Variants in PRDM16 observed in about 807,000 individuals in gnomAD.
PRDM16 encodes PR/SET domain 16, also known as histone-lysine N-methyltransferase PRDM16.
Under a neutral mutation model 110.6 loss-of-function variants are expected in PRDM16, and 23 were observed. The ratio of observed to expected loss-of-function variants is 0.21; its 90% CI spans 0.15 to 0.29. The LOEUF is 0.29. Among genes scored for constraint, PRDM16 ranks in the 10% least tolerant of loss-of-function variants. The probability of loss-of-function intolerance (pLI) is 1.00; values close to 1 mark genes in which losing one functional copy is unlikely to be tolerated. For synonymous variants in PRDM16, 799 were observed against 781.8 expected (o/e 1.02, Z -0.37); for missense variants, 1,615 against 1,794.3 (o/e 0.90, Z 1.81).
At chr1:3,205,215 G>A (rs1414547985) in intron 2 of PRDM16, among the ~76,000 whole-genome samples, 1 of 152,064 alleles carries the variant, frequency 6.6e-6, no homozygotes, top group African/African-American at 2.4e-5. Flanking sequence ...TCCCCCGACG[G>A]GCAGCAGGAA....
chr1:3,217,553 T>C (rs1639057839), intron 2 of PRDM16, among the ~76,000 whole-genome samples: 1 of 152,190 alleles, frequency 6.6e-6, no homozygotes, highest in Admixed American at 6.5e-5. Context: ...TAAACTGGCC[T>C]CTGTCGAGCT....
At chr1:3,323,864 A>AC (rs1190024119) in intron 3 of PRDM16, among the ~76,000 whole-genome samples, 2 of 151,762 alleles carry the variant, frequency 1.3e-5, no homozygotes, top group Admixed American at 6.6e-5. Context: ...CAGCTTAGAG[A>AC]CCCCCCAGGG....
In PRDM16 at chr1:3,157,185, C is replaced by T. The variant is rs1643865706; in HGVS notation, c.38-28940C>T. ...GGCGGGACCTGGAGAAGGAGGGCCG[C>T]TCGGCAACCGCTGAGCCGGCGCAAG... On this transcript the variant is annotated intron_variant, in intron 1 of 16. Coordinates refer to ENST00000270722, the MANE Select transcript of PRDM16 (RefSeq NM_022114.4). The surrounding 1 kb of genome is among the most constrained non-coding windows in gnomAD (Gnocchi z 4.8). Among the ~76,000 whole-genome samples the T allele has an allele frequency of 6.6e-6, 1 of 152,138 alleles. No homozygotes were observed. Among genetic ancestry groups the T allele is most frequent in the African/African-American group, 2.4e-5 (1 of 41,440 alleles).
At chr1:3,154,882 T>G (rs1330372131) in intron 1 of PRDM16, among the ~76,000 whole-genome samples, 1 of 152,142 alleles carries the variant, frequency 6.6e-6, no homozygotes, top group Admixed American at 6.5e-5. Flanking sequence ...AAAAAGAAAC[T>G]CAAATTCTGT....
In PRDM16 at chr1:3,166,574, T is replaced by C. The variant is rs142117356; in HGVS notation, c.38-19551T>C. On this transcript the variant is annotated intron_variant, in intron 1 of 16. Transcript: ENST00000270722. ...TCACTGGCCTCAAAAGAGAAAGTGC[T>C]CACGAAGGGGACAGTCCCTCGCATC... Among the ~76,000 whole-genome samples, 1,504 of 152,278 alleles carry C rather than the reference T, an allele frequency of 9.9e-3. 23 individuals carry two copies. Among genetic ancestry groups the C allele is most frequent in the African/African-American group, 0.032 (1,320 of 41,536 alleles).
In PRDM16 at chr1:3,186,218, C is replaced by T. The variant is rs1033520765; in HGVS notation, c.131C>T (p.Ser44Leu). The T allele has an allele frequency of 9.3e-6, 15 of 1,612,614 alleles. No homozygotes were observed. Among genetic ancestry groups the T allele is most frequent in the African/African-American group, 1.3e-5 (1 of 74,914 alleles). Residue 44 changes from serine to leucine, a missense_variant, in exon 2 of 17, where the codon TCG becomes TTG. This residue lies in a region of PRDM16 where 416 missense variants were observed against 467.1 expected (regional missense o/e 0.89). Coordinates refer to ENST00000270722, the MANE Select transcript of PRDM16 (RefSeq NM_022114.4). Reference protein sequence around the residue: ...AEDEAEDSAMSPIPVGPPSPF... With the variant: ...AEDEAEDSAMLPIPVGPPSPF... Reference sequence around the variant, plus strand: ...GACGAGGCCGAGGACAGTGCCATGTCGCCCATCCCCGTGGGGCCACCGTCC... The same window carrying T: ...GACGAGGCCGAGGACAGTGCCATGTTGCCCATCCCCGTGGGGCCACCGTCC...
At chr1:3,415,939 G>A (rs1406974146) in intron 10 of PRDM16, among the ~76,000 whole-genome samples, 1 of 152,264 alleles carries the variant, frequency 6.6e-6, no homozygotes, top group Non-Finnish European at 1.5e-5. Context: ...GCTCCGGGCT[G>A]CGGAGGGGCT....
At position 3,080,048 on chromosome 1, in the gene PRDM16, C is replaced by T. The variant is rs1291883508; in HGVS notation, c.37+10752C>T. On this transcript the variant is annotated intron_variant, in intron 1 of 16. Coordinates refer to ENST00000270722, the MANE Select transcript of PRDM16 (RefSeq NM_022114.4). This position sits in a 1 kb window ranked among gnomAD's most constrained non-coding sequence, Gnocchi z 5.2. ...TGTGGGAGAAGAGACTGGAAAAGTTCAAAGGTGGAGAGGCGGCAGCGATCT... is the reference window on the plus strand; with the variant it reads ...TGTGGGAGAAGAGACTGGAAAAGTTTAAAGGTGGAGAGGCGGCAGCGATCT... Among the ~76,000 whole-genome samples, 1 of 152,178 alleles carries T rather than the reference C, an allele frequency of 6.6e-6. No individual in the cohort carries two copies. The highest frequency in any genetic ancestry group is 2.4e-5 in the African/African-American group (1 of 41,450).
intron 3 of PRDM16, among the ~76,000 whole-genome samples, chr1:3,328,253 T>G (rs1641963231): frequency 6.6e-6 from 1 of 152,230 alleles, no homozygotes; most frequent in Non-Finnish European, 1.5e-5. Flanking sequence ...GGTTTCTTAA[T>G]CTTGAAACTG....
At chr1:3,401,105 G>GC (rs1405452298) in intron 5 of PRDM16, among the ~76,000 whole-genome samples, 1 of 152,154 alleles carries the variant, frequency 6.6e-6, no homozygotes, top group Non-Finnish European at 1.5e-5. Context: ...TGCTGGGGTG[G>GC]CCCAGGCCAA....
Position 3,350,499 on chromosome 1 carries a change from G to T in PRDM16, c.439-34653G>T, listed in dbSNP as rs777357400. ...TGACACTTGGATCCAGACATAATGT[G>T]TGTTAAGATCAAGGGCCCCGGGCTG... On this transcript the variant is annotated intron_variant, in intron 3 of 16. Coordinates refer to ENST00000270722, the MANE Select transcript of PRDM16 (RefSeq NM_022114.4). This position sits in a 1 kb window ranked among gnomAD's most constrained non-coding sequence, Gnocchi z 7.1. Among the ~76,000 whole-genome samples, 8 of 152,160 alleles carry T rather than the reference G, an allele frequency of 5.3e-5. No homozygotes were observed. Among genetic ancestry groups the T allele is most frequent in the East Asian group, 1.9e-4 (1 of 5,164 alleles).
intron 3 of PRDM16, among the ~76,000 whole-genome samples, chr1:3,326,792 G>A (rs111466612): frequency 3.3e-5 from 5 of 152,332 alleles, no homozygotes; most frequent in Non-Finnish European, 7.3e-5. Flanking sequence ...CAGCCGCCGC[G>A]TGGCCTGACA....
chr1:3,087,662 A>G (rs1642181226), intron 1 of PRDM16, among the ~76,000 whole-genome samples: 1 of 152,160 alleles, frequency 6.6e-6, no homozygotes, highest in Non-Finnish European at 1.5e-5. Context: ...GTGACCAAGG[A>G]ATGCCATGTC....
chr1:3,103,556 C>G (rs1384714009), intron 1 of PRDM16, among the ~76,000 whole-genome samples: 2 of 152,334 alleles, frequency 1.3e-5, no homozygotes, highest in Non-Finnish European at 1.5e-5. Context: ...GTGATAACCT[C>G]GCATACCGCC....
intron 1 of PRDM16, among the ~76,000 whole-genome samples, chr1:3,084,734 C>T (rs929887352): frequency 5.9e-5 from 9 of 152,192 alleles, no homozygotes; most frequent in East Asian, 1.9e-4. Flanking sequence ...GGCAGAAAAA[C>T]GTCCAGAGAG....
In PRDM16 at chr1:3,158,898, C is replaced by T. The variant is rs572058149; in HGVS notation, c.38-27227C>T. Among the ~76,000 whole-genome samples, 3 of 152,186 alleles carry T rather than the reference C, an allele frequency of 2.0e-5. No individual in the cohort carries two copies. In the East Asian group the frequency reaches 5.8e-4, roughly 29 times the overall value. On this transcript the variant is annotated intron_variant, in intron 1 of 16. Transcript: ENST00000270722. The stretch of plus-strand genomic sequence containing the variant: ...AAGCAATTCTCCCTGCCCCAACCTC[C>T]CGAGTAGCTGGAAGGCGCCTGCCAC...
rs1638811305 is a variant in PRDM16 at position 3,208,708 on chromosome 1, T to G, written c.387+22234T>G. 6.6e-6 allele frequency: 1 copy of G among 151,462 alleles called. No individual in the cohort carries two copies. The highest frequency in any genetic ancestry group is 1.5e-5 in the Non-Finnish European group (1 of 68,030). The allele number at this position is 151,462 out of a possible 1,614,324, so 9.4% of individuals were successfully genotyped here. A position where few individuals can be genotyped will look rare whatever the true frequency, so the allele number is the denominator to read the frequency against. On this transcript the variant is annotated intron_variant, in intron 2 of 16. Transcript: ENST00000270722. This position sits in a 1 kb window ranked among gnomAD's most constrained non-coding sequence, Gnocchi z 6.1. ...AGAAAAGAAAAGAAAAGAAAGTGTCTCCAGATATCTCCGCCAGGTGTCTGC... is the reference window on the plus strand; with the variant it reads ...AGAAAAGAAAAGAAAAGAAAGTGTCGCCAGATATCTCCGCCAGGTGTCTGC...
At chr1:3,166,430 G>A (rs893755361) in intron 1 of PRDM16, among the ~76,000 whole-genome samples, 23 of 152,238 alleles carry the variant, frequency 1.5e-4, no homozygotes, top group Non-Finnish European at 2.9e-4. Context: ...ACGCTGAGGC[G>A]CGTCCGGGCG....
chr1:3,129,273 T>G (rs1288197088), intron 1 of PRDM16, among the ~76,000 whole-genome samples: 2 of 151,190 alleles, frequency 1.3e-5, no homozygotes, highest in African/African-American at 4.9e-5. Flanking sequence ...TACATGTGTG[T>G]GTGTGTCCTG....
Sources: allele counts gnomAD v4.1 joint callset (sites outside exome capture counted in the v4.1 genomes callset), GRCh38; gene constraint gnomAD v4.1.1; regional missense constraint gnomAD v4.1.1; non-coding constraint Gnocchi (gnomAD v3.1); transcripts MANE v1.5; gene names NCBI Gene and HGNC (gene_info 2026-07-23, HGNC 2026-07-21).